The following ROCK1 variants were observed in gnomAD, a reference collection of about 807,000 sequenced individuals.
ROCK1 encodes the protein rho-associated protein kinase 1.
ROCK1 carries 36 observed loss-of-function variants against 196.8 expected under a neutral mutation model. The observed-to-expected ratio is 0.18, with a 90% CI of 0.14 to 0.24. ROCK1 has a LOEUF of 0.24. ROCK1 is among the 10% of genes least tolerant of loss of function. The pLI, the probability that ROCK1 is intolerant of heterozygous loss-of-function variation, is 1.00. For missense variants in ROCK1, 920 were observed against 1,562.0 expected (o/e 0.59, Z 6.93); for synonymous variants, 443 against 515.9 (o/e 0.86, Z 1.91).
intron 13 of ROCK1, among the ~76,000 whole-genome samples, chr18:21,011,505 G>A (rs1316633178): frequency 6.6e-6 from 1 of 152,052 alleles, no homozygotes; most frequent in Non-Finnish European, 1.5e-5. Context: ...ACCCAGGCTG[G>A]AGTACAGTGG....
Position 21,067,381 on chromosome 18 carries a change from C to T in ROCK1, c.175+3151G>A, listed in dbSNP as rs1204961807. The stretch of plus-strand genomic sequence containing the variant: ...TCCTATTTTGTAAGTTGTCTTTTCA[C>T]TCTTTTTTTTTTTTTTTTTTTTTGA... On this transcript the variant is annotated intron_variant, in intron 2 of 32. Coordinates refer to ENST00000399799, the MANE Select transcript of ROCK1 (RefSeq NM_005406.3). 2.7e-5 allele frequency among the ~76,000 whole-genome samples: 4 copies of T among 145,776 alleles called. No homozygotes were observed. In the East Asian group the frequency reaches 5.9e-4, roughly 22 times the overall value.
intron 8 of ROCK1, 95 bp downstream of exon 8, chr18:21,042,002 A>T: frequency 8.8e-7 from 1 of 1,142,710 alleles, no homozygotes. Context: ...TATTCTAACA[A>T]TTTACATGTA....
At chr18:21,001,522 C>T (rs1376503665) in intron 16 of ROCK1, among the ~76,000 whole-genome samples, 1 of 152,112 alleles carries the variant, frequency 6.6e-6, no homozygotes, top group East Asian at 1.9e-4. Context: ...AATCCCAGCA[C>T]TTTGGGAGGC....
intron 1 of ROCK1, among the ~76,000 whole-genome samples, chr18:21,099,123 T>G (rs541816501): frequency 1.3e-5 from 2 of 152,034 alleles, no homozygotes; most frequent in African/African-American, 4.8e-5. Flanking sequence ...TATAAACAAC[T>G]CAAATGTCCA....
intron 2 of ROCK1, among the ~76,000 whole-genome samples, chr18:21,061,050 G>A (rs2036285497): frequency 6.6e-6 from 1 of 151,094 alleles, no homozygotes; most frequent in African/African-American, 2.4e-5. Context: ...CACACAACAT[G>A]GACAACATGA....
intron 1 of ROCK1, among the ~76,000 whole-genome samples, chr18:21,100,398 CAA>C (rs113274981): frequency 1.1e-4 from 13 of 123,004 alleles, no homozygotes; most frequent in East Asian, 2.3e-4. Context: ...CTTACTGCAG[CAA>C]AAAAAAAAAA....
Position 20,969,099 on chromosome 18 carries a change from T to A in ROCK1, c.2914+16A>T, listed in dbSNP as rs201371959. 227 of 1,500,528 alleles carry A rather than the reference T, an allele frequency of 1.5e-4. No individual in the cohort carries two copies. In the African/African-American group the frequency reaches 2.2e-3, roughly 15 times the overall value. The allele number at this position is 1,500,528 out of a possible 1,614,324, so 93.0% of individuals were successfully genotyped here. A position where few individuals can be genotyped will look rare whatever the true frequency, so the allele number is the denominator to read the frequency against. ...AATTTGATTTAACATGATGATTTTTTAAAAATTCTACATACCTTCCTCTGC... is the reference window on the plus strand; with the variant it reads ...AATTTGATTTAACATGATGATTTTTAAAAAATTCTACATACCTTCCTCTGC... On this transcript the variant is annotated intron_variant, in intron 24 of 32. Coordinates refer to ENST00000399799, the MANE Select transcript of ROCK1 (RefSeq NM_005406.3).
intron 22 of ROCK1, among the ~76,000 whole-genome samples, chr18:20,978,943 G>A (rs1465338589): frequency 6.6e-6 from 1 of 152,216 alleles, no homozygotes; most frequent in East Asian, 1.9e-4. Flanking sequence ...TTTCAAAGGT[G>A]ATTAAATGTA....
chr18:21,108,187 G>GA (rs905824314), intron 1 of ROCK1, among the ~76,000 whole-genome samples: 2 of 152,050 alleles, frequency 1.3e-5, no homozygotes, highest in African/African-American at 2.4e-5. Context: ...ATTTGAAGGG[G>GA]AAAAAACAAC....
At chr18:21,101,359 G>C (rs2036658062) in intron 1 of ROCK1, among the ~76,000 whole-genome samples, 1 of 152,194 alleles carries the variant, frequency 6.6e-6, no homozygotes, top group South Asian at 2.1e-4. Context: ...CACCTGAACA[G>C]AATGATCAAC....
chr18:21,013,997 C>T (rs1278626766), intron 13 of ROCK1, among the ~76,000 whole-genome samples: 2 of 144,732 alleles, frequency 1.4e-5, no homozygotes, highest in Admixed American at 7.3e-5. Flanking sequence ...ACCCGGGAGG[C>T]GGAGCTTGCA....
intron 11 of ROCK1, among the ~76,000 whole-genome samples, chr18:21,021,596 A>C (rs1036059667): frequency 6.6e-6 from 1 of 152,206 alleles, no homozygotes; most frequent in Non-Finnish European, 1.5e-5. Flanking sequence ...TGGCAATTGC[A>C]AAGTTGTTCA....
intron 13 of ROCK1, among the ~76,000 whole-genome samples, chr18:21,014,273 G>A (rs547286825): frequency 9.2e-5 from 14 of 152,240 alleles, no homozygotes; most frequent in Admixed American, 2.6e-4. Flanking sequence ...TAGGATACAT[G>A]CAGCAAAAAG....
intron 2 of ROCK1, among the ~76,000 whole-genome samples, chr18:21,061,278 T>G (rs1222350074): frequency 6.6e-6 from 1 of 152,016 alleles, no homozygotes; most frequent in African/African-American, 2.4e-5. Context: ...CGGGGTTTTG[T>G]CATGTTGGCC....
chr18:21,065,881 C>G (rs1308755970), intron 2 of ROCK1, among the ~76,000 whole-genome samples: 1 of 151,528 alleles, frequency 6.6e-6, no homozygotes, highest in Admixed American at 6.6e-5. Context: ...CACTTCTTAA[C>G]ACAAAGAGAT....
intron 2 of ROCK1, among the ~76,000 whole-genome samples, chr18:21,067,542 C>T (rs1224970732): frequency 6.6e-6 from 1 of 151,988 alleles, no homozygotes; most frequent in Admixed American, 6.6e-5. Flanking sequence ...TGTCTGCCAA[C>T]ATGTCTGCTA....
intron 16 of ROCK1, among the ~76,000 whole-genome samples, chr18:20,999,958 T>C (rs1220239659): frequency 6.6e-6 from 1 of 152,222 alleles, no homozygotes; most frequent in East Asian, 1.9e-4. Context: ...ATGGCAATAC[T>C]ACACAAAGTA....
At chr18:20,961,288 G>C (rs147500280) in intron 27 of ROCK1, among the ~76,000 whole-genome samples, 1 of 151,952 alleles carries the variant, frequency 6.6e-6, no homozygotes, top group Non-Finnish European at 1.5e-5. Context: ...TATATTGTCC[G>C]CCTTCATATA....
At chr18:21,101,332 C>T (rs1006881) in intron 1 of ROCK1, among the ~76,000 whole-genome samples, 25,658 of 152,168 alleles carry the variant, frequency 0.17, 4,522 homozygotes, top group African/African-American at 0.44. Flanking sequence ...TTACAGGAAG[C>T]TATCACAGAC....
Sources: allele counts gnomAD v4.1 joint callset (sites outside exome capture counted in the v4.1 genomes callset), GRCh38; gene constraint gnomAD v4.1.1; transcripts MANE v1.5; gene names NCBI Gene and HGNC (gene_info 2026-07-23, HGNC 2026-07-21).